Variants in FCN1 observed in about 807,000 individuals in gnomAD.
FCN1 encodes ficolin-1.
FCN1 carries 42 observed loss-of-function variants against 35.6 expected under a neutral mutation model. That is an observed-to-expected ratio of 1.18 (90% CI 0.92 to 1.53). The LOEUF is 1.53. Among genes scored for constraint, FCN1 ranks in the 40% most tolerant of loss-of-function variants. FCN1 has a pLI of 0.00. For synonymous variants in FCN1, 179 were observed against 169.8 expected (o/e 1.05, Z -0.42); for missense variants, 439 against 428.4 (o/e 1.02, Z -0.22).
At position 134,912,500 on chromosome 9, in the gene FCN1, G is replaced by T. The variant is rs1307892863; in HGVS notation, c.584C>A (p.Ala195Asp). Residue 195 changes from alanine (A) to aspartate (D), a missense_variant, in exon 7 of 9, where the codon GCC becomes GAC. Ala to Asp is a moderately radical substitution (Grantham distance 126). Transcript: ENST00000371806. ...AGTGGCCCTACCCTGGGCAGTCAGG[G>T]CGTGGATGTTGTCATTCCCCAGCCA... ...EFWLGNDNIH[A>D]LTAQGSSELR... 7 of 1,614,042 alleles carry T rather than the reference G, an allele frequency of 4.3e-6. No individual in the cohort carries two copies. The South Asian group carries it at 7.7e-5, about 18-fold the overall frequency.
intron 7 of FCN1, among the ~76,000 whole-genome samples, chr9:134,912,059 G>A (rs772149786): frequency 6.6e-6 from 1 of 152,236 alleles, no homozygotes; most frequent in Non-Finnish European, 1.5e-5. Flanking sequence ...GAGGGTTGGG[G>A]GGAGGCCCTC....
At chr9:134,910,082 A>G in intron 8 of FCN1, 37 bp from the exon 9 acceptor site, 1 of 1,591,668 alleles carries the variant, frequency 6.3e-7, no homozygotes, top group Non-Finnish European at 8.6e-7. Context: ...AGATGCTGGA[A>G]AAAGCCCTGC....
Position 134,909,942 on chromosome 9 carries a change from C to T in FCN1, c.837G>A (p.Trp279Ter). 6.2e-7 allele frequency: 1 copy of T among 1,614,120 alleles called. No individual in the cohort carries two copies. The highest frequency in any genetic ancestry group is 8.5e-7 in the Non-Finnish European group (1 of 1,180,002). Residue 279 changes from tryptophan (W) to a stop codon, truncating the protein, a stop_gained, in exon 9 of 9, where the codon TGG (tryptophan) becomes TGA (stop). Coordinates refer to ENST00000371806, the MANE Select transcript of FCN1 (RefSeq NM_002003.5). LOFTEE classifies it low-confidence loss of function (END_TRUNC). ...NCAEKFQGAW[W>*]YADCHASNLN... ...GGTTTGAAGCATGACAGTCGGCGTACCACCAGGCTCCTTGGAACTTCTCAG... is the reference window on the plus strand; with the variant it reads ...GGTTTGAAGCATGACAGTCGGCGTATCACCAGGCTCCTTGGAACTTCTCAG...
At position 134,909,546 on chromosome 9, in the gene FCN1, C is replaced by T. The variant is rs1830994458; in HGVS notation, c.*252G>A. On this transcript the variant is annotated 3_prime_UTR_variant, in exon 9 of 9. Coordinates refer to ENST00000371806, the MANE Select transcript of FCN1 (RefSeq NM_002003.5). ...AACAGACACAGGAAAGTGATCAAAA[C>T]CACTGGTGTTCAAGAAACACACATT... 7.1e-7 allele frequency: 1 copy of T among 1,412,688 alleles called. No homozygotes were observed. The allele number at this position is 1,412,688 out of a possible 1,614,324, so 87.5% of individuals were successfully genotyped here. A position where few individuals can be genotyped will look rare whatever the true frequency, so the allele number is the denominator to read the frequency against.
chr9:134,911,033 T>G, intron 8 of FCN1, 100 bp downstream of exon 8: 2 of 1,229,664 alleles, frequency 1.6e-6, no homozygotes, highest in Non-Finnish European at 2.3e-6. Flanking sequence ...AGAAATGGGA[T>G]TCAGAGAGAG....
chr9:134,914,006 C>T (rs1831060200), intron 4 of FCN1, among the ~76,000 whole-genome samples: 8 of 152,248 alleles, frequency 5.3e-5, no homozygotes, highest in Admixed American at 5.2e-4. Flanking sequence ...GGCGGACCCT[C>T]AGCCCCCGGC....
Position 134,909,666 on chromosome 9 carries a change from C to G in FCN1, c.*132G>C, listed in dbSNP as rs201132846. 1.3e-6 allele frequency: 2 copies of G among 1,594,090 alleles called. No individual in the cohort carries two copies. The highest frequency in any genetic ancestry group is 3.4e-5 in the Admixed American group (2 of 59,630). ...GTGGGCATGTGGCGGCTTGACTGAG[C>G]TGGGGGCAAAGGGGCAGCTGTGGGC... is the stretch of plus-strand genomic sequence containing the variant. On this transcript the variant is annotated 3_prime_UTR_variant, in exon 9 of 9. Coordinates refer to ENST00000371806, the MANE Select transcript of FCN1 (RefSeq NM_002003.5).
At position 134,909,172 on chromosome 9, in the gene FCN1, A is replaced by T; in HGVS notation, c.*626T>A. On this transcript the variant is annotated 3_prime_UTR_variant, in exon 9 of 9. Transcript: ENST00000371806. Reference sequence around the variant, plus strand: ...TGTGCAGGTGGCTGACCAGGCGCTCACTTAGTGAGTGCTAAGTGTTTATCT... The same window carrying T: ...TGTGCAGGTGGCTGACCAGGCGCTCTCTTAGTGAGTGCTAAGTGTTTATCT... 1 of 1,282,798 alleles carries T rather than the reference A, an allele frequency of 7.8e-7. No homozygotes were observed. Among genetic ancestry groups the T allele is most frequent in the South Asian group, 1.2e-5 (1 of 80,156 alleles). The allele number at this position is 1,282,798 out of a possible 1,614,324, so 79.5% of individuals were successfully genotyped here. A position where few individuals can be genotyped will look rare whatever the true frequency, so the allele number is the denominator to read the frequency against.
In FCN1 at chr9:134,906,873, C is replaced by T. The variant is rs1397495759; in HGVS notation, c.*2925G>A. On this transcript the variant is annotated 3_prime_UTR_variant, in exon 9 of 9. Transcript: ENST00000371806. The stretch of plus-strand genomic sequence containing the variant: ...ATCACTTGAGGTCGGGAGTTCAAGA[C>T]CAGCCTGGCCAACACGGCGAAACCC... 1 of 152,112 alleles carries T rather than the reference C, an allele frequency of 6.6e-6. No homozygotes were observed. Among genetic ancestry groups the T allele is most frequent in the Non-Finnish European group, 1.5e-5 (1 of 68,038 alleles). 9.4% of individuals were successfully genotyped at this position (152,112 alleles called of 1,614,324 possible).
rs1830915807 is a variant in FCN1 at position 134,904,258 on chromosome 9, GA to G, written c.*5539del. 6.6e-6 allele frequency among the ~76,000 whole-genome samples: 1 copy of G among 151,982 alleles called. No individual in the cohort carries two copies. The highest frequency in any genetic ancestry group is 2.4e-5 in the African/African-American group (1 of 41,400). ...AAAAAATTTTATAAATGTATTTTTT[GA>G]AAAAAGTCATATTACCTTCAGAGGA... is the stretch of plus-strand genomic sequence containing the variant. On this transcript the variant is annotated 3_prime_UTR_variant, in exon 9 of 9. Transcript: ENST00000371806.
At chr9:134,914,287 C>A in intron 4 of FCN1, 98 bp downstream of exon 4, 2 of 1,077,762 alleles carry the variant, frequency 1.9e-6, no homozygotes, top group Non-Finnish European at 1.4e-6. Context: ...CCTGGATTGA[C>A]AGGGACGTGG....
At chr9:134,917,734 G>T in intron 1 of FCN1, 35 bp downstream of exon 1, 1 of 1,451,408 alleles carries the variant, frequency 6.9e-7, no homozygotes, top group Non-Finnish European at 9.7e-7. Flanking sequence ...GTTGTTACCA[G>T]CTTTTAGGGA....
chr9:134,911,079 T>G (rs906636571), intron 8 of FCN1, 54 bp downstream of exon 8: 2 of 1,595,752 alleles, frequency 1.3e-6, no homozygotes, highest in African/African-American at 2.7e-5. Flanking sequence ...CAGAGCCAGG[T>G]TCTCTCTGCT....
rs1265524501 is a variant in FCN1 at position 134,909,217 on chromosome 9, C to T, written c.*581G>A. On this transcript the variant is annotated 3_prime_UTR_variant, in exon 9 of 9. Coordinates refer to ENST00000371806, the MANE Select transcript of FCN1 (RefSeq NM_002003.5). ...TTATCTCTTCCCAGCAGCCAGCCAG[C>T]CCAAAGCATGAACTCTGCCGTGGTG... 7.8e-7 allele frequency: 1 copy of T among 1,289,770 alleles called. No homozygotes were observed. The highest frequency in any genetic ancestry group is 1.0e-6 in the Non-Finnish European group (1 of 988,840). 79.9% of individuals were successfully genotyped at this position (1,289,770 alleles called of 1,614,324 possible).
In FCN1 at chr9:134,912,530, T is replaced by C; in HGVS notation, c.554A>G (p.Glu185Gly). Residue 185 changes from glutamate to glycine, a missense_variant, in exon 7 of 9, where the codon GAG becomes GGG. Transcript: ENST00000371806. ...YKQGFGSQLG[E>G]FWLGNDNIHA... ...GATGTTGTCATTCCCCAGCCAGAAC[T>C]CCCCCAGCTGACTGCCGAAGCCCTG... 3 of 1,613,702 alleles carry C rather than the reference T, an allele frequency of 1.9e-6. No individual in the cohort carries two copies. Among genetic ancestry groups the C allele is most frequent in the Non-Finnish European group, 2.5e-6 (3 of 1,179,852 alleles).
intron 8 of FCN1, 136 bp from the exon 9 acceptor site, chr9:134,910,181 C>G: frequency 2.5e-6 from 2 of 797,716 alleles, no homozygotes; most frequent in East Asian, 2.4e-5. Context: ...GCACAAATGA[C>G]CCACCCAGGC....
Position 134,909,485 on chromosome 9 carries a change from C to T in FCN1, c.*313G>A, listed in dbSNP as rs1478316979. The stretch of plus-strand genomic sequence containing the variant: ...TGCTAAATAAGGGTCCTGACTCTTC[C>T]CGACTTACCAAATTCCAGGGAAAGA... On this transcript the variant is annotated 3_prime_UTR_variant, in exon 9 of 9. Coordinates refer to ENST00000371806, the MANE Select transcript of FCN1 (RefSeq NM_002003.5). 11 of 1,320,782 alleles carry T rather than the reference C, an allele frequency of 8.3e-6. No homozygotes were observed. The highest frequency in any genetic ancestry group is 1.1e-5 in the Non-Finnish European group (11 of 1,009,468). The allele number at this position is 1,320,782 out of a possible 1,614,324, so 81.8% of individuals were successfully genotyped here.
chr9:134,911,341 A>AT, intron 7 of FCN1, 74 bp from the exon 8 acceptor site: 4 of 1,242,220 alleles, frequency 3.2e-6, no homozygotes, highest in Non-Finnish European at 4.5e-6. Flanking sequence ...GGGGATGGGT[A>AT]ATTTTTTTTT....
intron 6 of FCN1, 107 bp downstream of exon 6, chr9:134,912,909 T>C: frequency 6.7e-7 from 1 of 1,503,434 alleles, no homozygotes; most frequent in Non-Finnish European, 8.9e-7. Flanking sequence ...TCTATGATTG[T>C]CCCCATCCAG....
Sources: allele counts gnomAD v4.1 joint callset (sites outside exome capture counted in the v4.1 genomes callset), GRCh38; gene constraint gnomAD v4.1.1; transcripts MANE v1.5; gene names NCBI Gene and HGNC (gene_info 2026-07-23, HGNC 2026-07-21).